KCNK6: variants seen among roughly 807,000 people sequenced by gnomAD.
The protein encoded by KCNK6 is potassium two pore domain channel subfamily K member 6.
A neutral mutation model predicts 21.9 loss-of-function variants in KCNK6; 20 were observed. The observed-to-expected ratio is 0.91, with a 90% confidence interval of 0.64 to 1.32. The LOEUF (loss-of-function observed/expected upper bound fraction) is 1.32, where lower values mean the gene tolerates loss of function less well. KCNK6 is among the 40% of genes most tolerant of loss of function. KCNK6 has a pLI of 0.00. For missense variants in KCNK6, 415 were observed against 433.1 expected (o/e 0.96, Z 0.37); for synonymous variants, 210 against 218.0 (o/e 0.96, Z 0.32).
Position 38,327,307 on chromosome 19 carries a change from T to C in KCNK6, c.846T>C (p.Asp282=), listed in dbSNP as rs1969722926. The change falls in exon 3 of 3, where the codon GAT becomes GAC. Residue 282 remains aspartate (D), a synonymous_variant. Coordinates refer to ENST00000263372, the MANE Select transcript of KCNK6 (RefSeq NM_004823.3). The stretch of plus-strand genomic sequence containing the variant: ...CGTGCCCTGCCAGTTTCAATGCGGA[T>C]GAGGACGATCGGGTGGACATCCTGG... ...PPPCPASFNA[D]EDDRVDILGP... is the part of the protein sequence containing the mutation. 1 of 1,613,624 alleles carries C rather than the reference T, an allele frequency of 6.2e-7. No individual in the cohort carries two copies. The highest frequency in any genetic ancestry group is 8.5e-7 in the Non-Finnish European group (1 of 1,180,014).
intron 1 of KCNK6, chr19:38,325,677 C>CT (rs1969700071): frequency 3.3e-6 from 1 of 303,484 alleles, no homozygotes; most frequent in Non-Finnish European, 4.8e-6. Flanking sequence ...GAAAGCCTCA[C>CT]TGAGAAGGTG....
intron 1 of KCNK6, among the ~76,000 whole-genome samples, chr19:38,321,686 A>G (rs763839017): frequency 9.9e-5 from 15 of 152,236 alleles, no homozygotes; most frequent in Non-Finnish European, 2.2e-4. Context: ...CCGGCCAACA[A>G]TAGGGGGCAG....
At chr19:38,325,307 G>C (rs898589459) in intron 1 of KCNK6, 1 of 667,058 alleles carries the variant, frequency 1.5e-6, no homozygotes, top group Non-Finnish European at 1.9e-6. Context: ...AGTAGAGACG[G>C]GGTTTCACCA....
rs1383189640 is a variant in KCNK6, at chr19:38,328,619, CGCTTGAGGCCAGGAGTT to C, written c.*1217_*1233del. 9.6e-5 allele frequency: 13 copies of C among 135,156 alleles called. No homozygotes were observed. In the East Asian group the frequency reaches 3.6e-3, roughly 38 times the overall value. 8.4% of individuals were successfully genotyped at this position (135,156 alleles called of 1,614,324 possible). On this transcript the variant is annotated 3_prime_UTR_variant, in exon 3 of 3. Transcript: ENST00000263372. ...CTTTGGAAGGCTGAGGAAGGAGGAT[CGCTTGAGGCCAGGAGTT>C]TGAGACTAGCCTAGGCAACACAGTG...
In KCNK6 at chr19:38,327,012, G is replaced by A. The variant is rs756544487; in HGVS notation, c.718+24G>A. ...AGGTGAGCTGGGTGGCTAGGGCAGG[G>A]CTTTGAGGAGGACCTAGCCCTGTCC... On this transcript the variant is annotated intron_variant, in intron 2 of 2. Coordinates refer to ENST00000263372, the MANE Select transcript of KCNK6 (RefSeq NM_004823.3). 2.5e-6 allele frequency: 4 copies of A among 1,582,916 alleles called. No individual in the cohort carries two copies. The Admixed American group carries it at 5.2e-5, about 20-fold the overall frequency.
chr19:38,327,013 C>T (rs1969718196), intron 2 of KCNK6, 25 bp downstream of exon 2: 1 of 1,582,718 alleles, frequency 6.3e-7, no homozygotes, highest in Non-Finnish European at 8.5e-7. Context: ...TAGGGCAGGG[C>T]TTTGAGGAGG....
chr19:38,321,413 T>C (rs1034539373), intron 1 of KCNK6, among the ~76,000 whole-genome samples: 2 of 152,078 alleles, frequency 1.3e-5, no homozygotes, highest in African/African-American at 4.8e-5. Flanking sequence ...TTCCTCCCAA[T>C]AGGGACACCA....
In KCNK6 at chr19:38,328,924, A is replaced by T. The variant is rs1445386019; in HGVS notation, c.*1521A>T. On this transcript the variant is annotated 3_prime_UTR_variant, in exon 3 of 3. Coordinates refer to ENST00000263372, the MANE Select transcript of KCNK6 (RefSeq NM_004823.3). ...AGGGAAAGATGGAAGGAAGGAAGGA[A>T]AAAGAAAGAGAAAGAGAGAGAGAGA... 7.3e-6 allele frequency: 1 copy of T among 137,534 alleles called. No individual in the cohort carries two copies. The highest frequency in any genetic ancestry group is 1.6e-5 in the Non-Finnish European group (1 of 60,856). The allele number at this position is 137,534 out of a possible 1,614,324, so 8.5% of individuals were successfully genotyped here.
In KCNK6 at chr19:38,330,648, A is replaced by AAAAAAAAAAAAAAAAAAAAAG. The variant is rs1568367217; in HGVS notation, c.*3249_*3250insAAAAAAAAAAAAAAAAGAAAA. 8 of 141,478 alleles carry AAAAAAAAAAAAAAAAAAAAAG rather than the reference A, an allele frequency of 5.7e-5. No individual in the cohort carries two copies. Among genetic ancestry groups the AAAAAAAAAAAAAAAAAAAAAG allele is most frequent in the South Asian group, 2.3e-4 (1 of 4,388 alleles). The allele number at this position is 141,478 out of a possible 1,614,324, so 8.8% of individuals were successfully genotyped here. A position where few individuals can be genotyped will look rare whatever the true frequency, so the allele number is the denominator to read the frequency against. On this transcript the variant is annotated 3_prime_UTR_variant, in exon 3 of 3. Coordinates refer to ENST00000263372, the MANE Select transcript of KCNK6 (RefSeq NM_004823.3). Reference sequence around the variant, plus strand: ...TGTCTCAAAAAAAAAAAAAGAAAAGAAAAAGAAAAAGAAAAAGAAAATATG... The same window carrying AAAAAAAAAAAAAAAAAAAAAG: ...TGTCTCAAAAAAAAAAAAAGAAAAGAAAAAAAAAAAAAAAAAAAAAGAAAAGAAAAAGAAAAAGAAAATATG...
intron 1 of KCNK6, among the ~76,000 whole-genome samples, chr19:38,322,985 T>C (rs1969668846): frequency 6.8e-6 from 1 of 147,460 alleles, no homozygotes; most frequent in Non-Finnish European, 1.5e-5. Flanking sequence ...TGATAGTGCG[T>C]GGCTGTAATC....
chr19:38,324,971 G>A (rs1485579251), intron 1 of KCNK6: 2 of 151,294 alleles, frequency 1.3e-5, no homozygotes, highest in Non-Finnish European at 2.9e-5. Context: ...CATTTTTAAG[G>A]GTACAGTTCT....
intron 1 of KCNK6, among the ~76,000 whole-genome samples, chr19:38,324,885 C>T (rs1229895287): frequency 6.6e-6 from 1 of 152,088 alleles, no homozygotes; most frequent in Non-Finnish European, 1.5e-5. Flanking sequence ...AACCACCATG[C>T]CTGGCTGGGA....
rs567667475 is a variant in KCNK6, at chr19:38,327,921, G to C, written c.*518G>C. Reference sequence around the variant, plus strand: ...ATTTGCCCCTAAACCCCTCCTGTGTGCTGGCCCTGTGCTAGACAGTGCTGG... The same window carrying C: ...ATTTGCCCCTAAACCCCTCCTGTGTCCTGGCCCTGTGCTAGACAGTGCTGG... On this transcript the variant is annotated 3_prime_UTR_variant, in exon 3 of 3. Coordinates refer to ENST00000263372, the MANE Select transcript of KCNK6 (RefSeq NM_004823.3). The C allele has an allele frequency of 5.1e-6, 1 of 194,842 alleles. No individual in the cohort carries two copies. The highest frequency in any genetic ancestry group is 5.4e-5 in the Admixed American group (1 of 18,490). The allele number at this position is 194,842 out of a possible 1,614,324, so 12.1% of individuals were successfully genotyped here. A position where few individuals can be genotyped will look rare whatever the true frequency, so the allele number is the denominator to read the frequency against.
In KCNK6 at chr19:38,328,608, G is replaced by A. The variant is rs1183461226; in HGVS notation, c.*1205G>A. 3 of 152,286 alleles carry A rather than the reference G, an allele frequency of 2.0e-5. No homozygotes were observed. Among genetic ancestry groups the A allele is most frequent in the Non-Finnish European group, 4.4e-5 (3 of 68,128 alleles). The allele number at this position is 152,286 out of a possible 1,614,324, so 9.4% of individuals were successfully genotyped here. A position where few individuals can be genotyped will look rare whatever the true frequency, so the allele number is the denominator to read the frequency against. On this transcript the variant is annotated 3_prime_UTR_variant, in exon 3 of 3. Transcript: ENST00000263372. ...TACACCCAGCACTTTGGAAGGCTGAGGAAGGAGGATCGCTTGAGGCCAGGA... is the reference window on the plus strand; with the variant it reads ...TACACCCAGCACTTTGGAAGGCTGAAGAAGGAGGATCGCTTGAGGCCAGGA...
intron 1 of KCNK6, chr19:38,325,507 C>T (rs911488009): frequency 6.1e-6 from 6 of 985,300 alleles, no homozygotes; most frequent in Admixed American, 1.2e-4. Flanking sequence ...AAGTACTGAT[C>T]GAGCGCCCAC....
rs898357825 is a variant in KCNK6, at chr19:38,328,760, T to A, written c.*1357T>A. The A allele has an allele frequency of 6.6e-6, 1 of 151,848 alleles. No homozygotes were observed. Among genetic ancestry groups the A allele is most frequent in the African/African-American group, 2.4e-5 (1 of 41,320 alleles). The allele number at this position is 151,848 out of a possible 1,614,324, so 9.4% of individuals were successfully genotyped here. A position where few individuals can be genotyped will look rare whatever the true frequency, so the allele number is the denominator to read the frequency against. On this transcript the variant is annotated 3_prime_UTR_variant, in exon 3 of 3. Transcript: ENST00000263372. ...TACTTCAGAGGCTGAGGTGGAAGGA[T>A]CACTTGAGGCCAGGAGTTTGAGGCT...
In KCNK6 at chr19:38,327,601, A is replaced by C. The variant is rs1969727239; in HGVS notation, c.*198A>C. ...TCCCTGTCCCCATGTCCCGGGCTCC[A>C]CTGGGCACCAACATAACCTTGTTCT... On this transcript the variant is annotated 3_prime_UTR_variant, in exon 3 of 3. Transcript: ENST00000263372. The C allele has an allele frequency of 3.3e-6, 2 of 600,714 alleles. No individual in the cohort carries two copies. The highest frequency in any genetic ancestry group is 5.9e-6 in the Non-Finnish European group (2 of 337,816). 37.2% of individuals were successfully genotyped at this position (600,714 alleles called of 1,614,324 possible).
chr19:38,326,729 CCT>C lies in KCNK6; in HGVS notation c.460_461del (p.Leu154ValfsTer129), dbSNP rs755370289. 31 of 1,604,664 alleles carry C rather than the reference CCT, an allele frequency of 1.9e-5. No individual in the cohort carries two copies. Among genetic ancestry groups the C allele is most frequent in the Non-Finnish European group, 2.5e-5 (29 of 1,179,974 alleles). On this transcript the variant is annotated frameshift_variant, in exon 2 of 3. Transcript: ENST00000263372. LOFTEE classifies it high-confidence loss of function. The stretch of plus-strand genomic sequence containing the variant: ...TGTCACTGCTGCTGACTCACGTGCC[CCT>C]GTCTTGGCTGAGCATGCGTTGGGGC... ...RLSLLLTHVP[L>X]SWLSMRWGWD...
Position 38,327,382 on chromosome 19 carries a change from C to A in KCNK6, c.921C>A (p.Asp307Glu). 1 of 1,609,952 alleles carries A rather than the reference C, an allele frequency of 6.2e-7. No homozygotes were observed. The highest frequency in any genetic ancestry group is 8.5e-7 in the Non-Finnish European group (1 of 1,179,990). ...AACTCTCTGCCAGCTCCCACACCGA[C>A]TACGCTTCCATCCCCAGGTAGCTGG... ...HQQLSASSHT[D>E]YASIPR Residue 307 changes from aspartate (D) to glutamate (E), a missense_variant, in exon 3 of 3, where the codon GAC becomes GAA. Physicochemically the swap from Asp to Glu is conservative, Grantham distance 45 (BLOSUM62 2). Transcript: ENST00000263372.
Sources: gnomAD v4.1 joint callset for allele counts (sites outside exome capture counted in the v4.1 genomes callset) on GRCh38, gnomAD v4.1.1 for gene constraint, MANE v1.5 for transcripts, NCBI Gene and HGNC (gene_info 2026-07-23, HGNC 2026-07-21) for gene names.